The following AP3B1 variants were observed in gnomAD, a reference collection of about 807,000 sequenced individuals.
AP3B1 encodes the protein adaptor related protein complex 3 subunit beta 1.
AP3B1 carries 61 observed loss-of-function variants against 132.5 expected under a neutral mutation model. That is an observed-to-expected ratio of 0.46 (90% confidence interval 0.37 to 0.57). The LOEUF is 0.57. AP3B1 is among the 20% of genes least tolerant of loss of function. The probability of loss-of-function intolerance (pLI) is 0.00; values close to 1 mark genes in which losing one functional copy is unlikely to be tolerated. For missense variants in AP3B1, 1,120 were observed against 1,289.4 expected (o/e 0.87, Z 2.01); for synonymous variants, 388 against 438.3 (o/e 0.89, Z 1.43).
intron 2 of AP3B1, among the ~76,000 whole-genome samples, chr5:78,254,247 T>C (rs578258515): frequency 1.7e-4 from 26 of 152,096 alleles, no homozygotes; most frequent in Non-Finnish European, 3.1e-4. Flanking sequence ...TTAAGAGTTA[T>C]TGTCCTTAAA....
At chr5:78,073,198 T>A (rs755769800) in intron 22 of AP3B1, among the ~76,000 whole-genome samples, 6 of 152,202 alleles carry the variant, frequency 3.9e-5, no homozygotes, top group Non-Finnish European at 8.8e-5. Context: ...AAAGGTTTTG[T>A]AAATATCATA....
At chr5:78,193,770 A>AGATATATATATATATTTTTTTTTTTT (rs1744960485) in intron 7 of AP3B1, among the ~76,000 whole-genome samples, 4 of 67,218 alleles carry the variant, frequency 6.0e-5, no homozygotes, top group Non-Finnish European at 1.3e-4. Context: ...ATATATATAT[A>AGATATATATATATATTTTTTTTTTTT]TTTTTTTTTT....
chr5:78,233,816 G>A (rs1436070528), intron 3 of AP3B1, among the ~76,000 whole-genome samples: 1 of 143,944 alleles, frequency 6.9e-6, no homozygotes, highest in African/African-American at 2.6e-5. Flanking sequence ...GAGCTAGCAA[G>A]TGCAGAATCA....
intron 15 of AP3B1, among the ~76,000 whole-genome samples, chr5:78,130,280 TTTAGA>T (rs1299584628): frequency 1.5e-4 from 23 of 152,070 alleles, no homozygotes; most frequent in African/African-American, 5.3e-4. Flanking sequence ...AATCATTTAC[TTTAGA>T]TTAGAAGATT....
intron 22 of AP3B1, among the ~76,000 whole-genome samples, chr5:78,073,044 G>A (rs1749610235): frequency 6.6e-6 from 1 of 152,036 alleles, no homozygotes; most frequent in South Asian, 2.1e-4. Flanking sequence ...TCTAAGTTAA[G>A]TGGTTTTTAC....
At chr5:78,085,093 T>C (rs1361358513) in intron 22 of AP3B1, among the ~76,000 whole-genome samples, 1 of 152,212 alleles carries the variant, frequency 6.6e-6, no homozygotes, top group African/African-American at 2.4e-5. Flanking sequence ...AGACATGAGA[T>C]TACCTGGTCA....
chr5:78,070,208 A>C (rs902375786), intron 22 of AP3B1, among the ~76,000 whole-genome samples: 21 of 152,126 alleles, frequency 1.4e-4, no homozygotes, highest in African/African-American at 4.8e-4. Flanking sequence ...GGAGTTCAAG[A>C]ACAGCCTGGC....
intron 15 of AP3B1, among the ~76,000 whole-genome samples, chr5:78,140,232 T>TA (rs773401228): frequency 6.6e-6 from 1 of 152,094 alleles, no homozygotes; most frequent in Non-Finnish European, 1.5e-5. Context: ...GCAAATCTGG[T>TA]AAATTATACT....
chr5:78,014,954 G>A (rs937327916), intron 26 of AP3B1, among the ~76,000 whole-genome samples: 1 of 152,112 alleles, frequency 6.6e-6, no homozygotes, highest in Non-Finnish European at 1.5e-5. Flanking sequence ...TCATCTAGCA[G>A]CTCTTTATTT....
chr5:78,015,074 C>G (rs1044309866), intron 26 of AP3B1, among the ~76,000 whole-genome samples: 1 of 152,174 alleles, frequency 6.6e-6, no homozygotes, highest in Non-Finnish European at 1.5e-5. Context: ...TAGAATAGTT[C>G]TTCCTGGACA....
In AP3B1 at chr5:78,072,712, C is replaced by CTTTTTTT. The variant is rs34203981; in HGVS notation, c.2577+16674_2577+16680dup. ...TGAGTAACAATGTGTCTGATATATT[C>CTTTTTTT]TTTTTTTTTTTTTTTTTTTTTTTTT... On this transcript the variant is annotated intron_variant, in intron 22 of 26. Transcript: ENST00000255194. Among the ~76,000 whole-genome samples the CTTTTTTT allele has an allele frequency of 4.2e-4, 29 of 68,286 alleles. 2 individuals carry two copies. Among genetic ancestry groups the CTTTTTTT allele is most frequent in the East Asian group, 1.2e-3 (2 of 1,738 alleles). The allele number at this position is 68,286 out of a possible 152,430, so 44.8% of individuals were successfully genotyped here.
At chr5:78,160,979 T>G (rs921109984) in intron 13 of AP3B1, among the ~76,000 whole-genome samples, 3 of 151,790 alleles carry the variant, frequency 2.0e-5, no homozygotes, top group African/African-American at 7.2e-5. Context: ...CAATTTAAGT[T>G]TGTTAATATT....
intron 12 of AP3B1, among the ~76,000 whole-genome samples, chr5:78,163,239 C>G (rs1580428455): frequency 6.6e-6 from 1 of 151,980 alleles, no homozygotes; most frequent in Admixed American, 6.6e-5. Flanking sequence ...CCAAAGACAG[C>G]AATTAGTTTA....
rs34733864 is a variant in AP3B1, at chr5:78,191,354, CAAAAAA to C, written c.787-9698_787-9693del. Among the ~76,000 whole-genome samples the C allele has an allele frequency of 5.3e-3, 388 of 72,870 alleles. 3 individuals are homozygous for C. Among genetic ancestry groups the C allele is most frequent in the African/African-American group, 0.02 (364 of 18,410 alleles). 47.8% of individuals were successfully genotyped at this position (72,870 alleles called of 152,430 possible). A position where few individuals can be genotyped will look rare whatever the true frequency, so the allele number is the denominator to read the frequency against. On this transcript the variant is annotated intron_variant, in intron 7 of 26. Transcript: ENST00000255194. Reference sequence around the variant, plus strand: ...ATTGGCTTTTGGAATTGCTTTTCCCCAAAAAAAAAAAAAAAAAAAAAAAGGATGTGT... The same window carrying C: ...ATTGGCTTTTGGAATTGCTTTTCCCCAAAAAAAAAAAAAAAAAGGATGTGT...
In AP3B1 at chr5:78,279,553, A is replaced by G. The variant is rs114218388; in HGVS notation, c.129-11958T>C. Among the ~76,000 whole-genome samples, 980 of 152,144 alleles carry G rather than the reference A, an allele frequency of 6.4e-3. 6 individuals are homozygous for G. The highest frequency in any genetic ancestry group is 0.022 in the African/African-American group (922 of 41,538). ...AATTTCAATCTTGTTTTGAAATTCA[A>G]CATTCTTCCTATTCACCATACTACG... On this transcript the variant is annotated intron_variant, in intron 1 of 26. Transcript: ENST00000255194.
At chr5:78,280,470 A>G (rs997814901) in intron 1 of AP3B1, among the ~76,000 whole-genome samples, 8 of 152,220 alleles carry the variant, frequency 5.3e-5, no homozygotes, top group African/African-American at 1.9e-4. Flanking sequence ...TGCTATTGGC[A>G]TGCCACAGTA....
intron 26 of AP3B1, 110 bp from the exon 27 acceptor site, chr5:78,003,165 G>T (rs933221883): frequency 7.6e-7 from 1 of 1,307,454 alleles, no homozygotes; most frequent in East Asian, 2.5e-5. Context: ...GAAATAATTT[G>T]CTGCAGGCTC....
chr5:78,281,805 G>A (rs1749069633), intron 1 of AP3B1, among the ~76,000 whole-genome samples: 2 of 152,198 alleles, frequency 1.3e-5, no homozygotes, highest in South Asian at 4.1e-4. Flanking sequence ...AAGAGTTCTG[G>A]AGAGGGATGG....
chr5:78,119,544 C>T (rs1243778380), intron 17 of AP3B1, among the ~76,000 whole-genome samples: 1 of 152,104 alleles, frequency 6.6e-6, no homozygotes, highest in Non-Finnish European at 1.5e-5. Context: ...GTGAAGAACG[C>T]AGAAGCCTCA....
Sources: gnomAD v4.1 joint callset for allele counts (sites outside exome capture counted in the v4.1 genomes callset) on GRCh38, gnomAD v4.1.1 for gene constraint, MANE v1.5 for transcripts, NCBI Gene and HGNC (gene_info 2026-07-23, HGNC 2026-07-21) for gene names.